The following EPHX4 variants were observed in gnomAD, a reference collection of about 807,000 sequenced individuals.
EPHX4 encodes the protein epoxide hydrolase 4.
Under a neutral mutation model 44.9 loss-of-function variants are expected in EPHX4, and 31 were observed. That is an observed-to-expected ratio of 0.69 (90% confidence interval 0.52 to 0.93). EPHX4 has a LOEUF of 0.93. Among genes scored for constraint, EPHX4 ranks in the 40% least tolerant of loss-of-function variants. The pLI is 0.00. For synonymous variants in EPHX4, 151 were observed against 159.7 expected, an observed-to-expected ratio of 0.95 and a Z score of 0.41; for missense variants, 373 against 438.1, an observed-to-expected ratio of 0.85 and a Z score of 1.33.
At chr1:92,031,403 TA>T (rs1265377337) in intron 1 of EPHX4, among the ~76,000 whole-genome samples, 1 of 152,062 alleles carries the variant, frequency 6.6e-6, no homozygotes, top group Non-Finnish European at 1.5e-5. Flanking sequence ...ACCTGAGGGG[TA>T]AAAGTAGTAT....
intron 4 of EPHX4, among the ~76,000 whole-genome samples, chr1:92,049,942 AC>A (rs565079164): frequency 6.8e-4 from 103 of 152,154 alleles, no homozygotes; most frequent in African/African-American, 2.4e-3. Context: ...TACTAAAAAT[AC>A]AAAAAATTAG....
chr1:92,030,024 C>CG lies in EPHX4; in HGVS notation c.-54dup. On this transcript the variant is annotated 5_prime_UTR_variant, in exon 1 of 7. Coordinates refer to ENST00000370383, the MANE Select transcript of EPHX4 (RefSeq NM_173567.5). The stretch of plus-strand genomic sequence containing the variant: ...GACGGCGGGCTGGCCTGGCGCGCTG[C>CG]GGCGCTCGCTCACCCGCTCCCGAGG... 1 of 1,327,520 alleles carries CG rather than the reference C, an allele frequency of 7.5e-7. No homozygotes were observed. The highest frequency in any genetic ancestry group is 9.8e-7 in the Non-Finnish European group (1 of 1,015,350). 82.2% of individuals were successfully genotyped at this position (1,327,520 alleles called of 1,614,324 possible).
chr1:92,032,602 A>T lies in EPHX4; in HGVS notation c.317+12A>T. On this transcript the variant is annotated intron_variant, in intron 2 of 6. Coordinates refer to ENST00000370383, the MANE Select transcript of EPHX4 (RefSeq NM_173567.5). Reference sequence around the variant, plus strand: ...TTTCCAGAATTCTGGTAAGCTTACCAACTAACATTTATTGTTACATTAAAA... The same window carrying T: ...TTTCCAGAATTCTGGTAAGCTTACCTACTAACATTTATTGTTACATTAAAA... The T allele has an allele frequency of 1.9e-6, 3 of 1,608,976 alleles. No individual in the cohort carries two copies. In the South Asian group the frequency reaches 3.3e-5, roughly 18 times the overall value.
At chr1:92,047,535 A>G (rs189346640) in intron 4 of EPHX4, among the ~76,000 whole-genome samples, 32 of 152,360 alleles carry the variant, frequency 2.1e-4, no homozygotes, top group African/African-American at 7.5e-4. Context: ...ATTTAATTAC[A>G]TAGAATATTA....
chr1:92,062,944 T>A (rs576821011), intron 6 of EPHX4, 111 bp from the exon 7 acceptor site: 1 of 920,534 alleles, frequency 1.1e-6, no homozygotes, highest in African/African-American at 1.7e-5. Flanking sequence ...TTTCACCCTT[T>A]TAGAGGCAAG....
At chr1:92,052,772 T>C (rs1647290421) in intron 6 of EPHX4, 114 bp downstream of exon 6, 1 of 918,404 alleles carries the variant, frequency 1.1e-6, no homozygotes, top group Non-Finnish European at 1.6e-6. Context: ...AATAAGGTAT[T>C]TTAATTTTTT....
chr1:92,050,531 T>A, intron 5 of EPHX4, 111 bp downstream of exon 5: 1 of 632,998 alleles, frequency 1.6e-6, no homozygotes, highest in Non-Finnish European at 2.5e-6. Flanking sequence ...TTATTATAAC[T>A]TAAATGGTTT....
chr1:92,036,952 GAAAC>G (rs1284870266), intron 2 of EPHX4, among the ~76,000 whole-genome samples: 3 of 151,256 alleles, frequency 2.0e-5, no homozygotes, highest in Non-Finnish European at 4.4e-5. Context: ...GGTGCTAGTG[GAAAC>G]AAACAACAGG....
intron 2 of EPHX4, among the ~76,000 whole-genome samples, chr1:92,032,972 C>G (rs555588277): frequency 2.8e-4 from 43 of 152,214 alleles, no homozygotes; most frequent in Middle Eastern, 3.4e-3. Flanking sequence ...GGCTGGGGCA[C>G]AGTGGCATGA....
At chr1:92,036,023 C>T (rs532813103) in intron 2 of EPHX4, among the ~76,000 whole-genome samples, 1 of 152,314 alleles carries the variant, frequency 6.6e-6, no homozygotes, top group South Asian at 2.1e-4. Flanking sequence ...CTTATACAAA[C>T]ATTCAAGAGG....
At chr1:92,053,869 C>T (rs184146515) in intron 6 of EPHX4, among the ~76,000 whole-genome samples, 52 of 152,058 alleles carry the variant, frequency 3.4e-4, no homozygotes, top group African/African-American at 9.6e-4. Flanking sequence ...TCAAATACAC[C>T]GTTGGGTAGT....
At chr1:92,031,461 C>T (rs924819669) in intron 1 of EPHX4, among the ~76,000 whole-genome samples, 2 of 152,130 alleles carry the variant, frequency 1.3e-5, no homozygotes, top group African/African-American at 2.4e-5. Context: ...TCGCTCTGGC[C>T]GCCTAAAGAG....
At chr1:92,052,421 A>G (rs1647279297) in intron 5 of EPHX4, 89 bp from the exon 6 acceptor site, 4 of 1,282,654 alleles carry the variant, frequency 3.1e-6, no homozygotes, top group Middle Eastern at 2.2e-4. Context: ...TCACCACACA[A>G]TGACCACCAT....
At chr1:92,047,847 T>C (rs1255162501) in intron 4 of EPHX4, among the ~76,000 whole-genome samples, 2 of 152,192 alleles carry the variant, frequency 1.3e-5, no homozygotes, top group Non-Finnish European at 2.9e-5. Flanking sequence ...CCTGGATACC[T>C]TAAAAAGTCT....
chr1:92,058,443 GA>G (rs576728125), intron 6 of EPHX4, among the ~76,000 whole-genome samples: 1,959 of 101,444 alleles, frequency 0.019, 12 homozygotes, highest in Non-Finnish European at 0.021. Context: ...CCCCGTCTCA[GA>G]AAAAAAAAAA....
intron 1 of EPHX4, among the ~76,000 whole-genome samples, chr1:92,030,780 T>G (rs867426294): frequency 1.2e-4 from 19 of 152,082 alleles, no homozygotes; most frequent in Admixed American, 3.3e-4. Context: ...GAGTAAACAG[T>G]CAGTCTTTGG....
intron 6 of EPHX4, among the ~76,000 whole-genome samples, chr1:92,060,305 TC>T (rs2101876891): frequency 6.6e-6 from 1 of 151,672 alleles, no homozygotes; most frequent in Non-Finnish European, 1.5e-5. Flanking sequence ...TCCCAGCTAC[TC>T]AGGAGGTTCA....
intron 4 of EPHX4, among the ~76,000 whole-genome samples, chr1:92,046,961 A>G (rs905335035): frequency 6.6e-6 from 1 of 152,220 alleles, no homozygotes; most frequent in Non-Finnish European, 1.5e-5. Context: ...ATTTCATCAT[A>G]CAGGATCAAA....
In EPHX4 at chr1:92,037,558, G is replaced by A. The variant is rs76666228; in HGVS notation, c.317+4968G>A. Reference sequence around the variant, plus strand: ...CTGAGGCAGGCAATTTCTTTGAGTCGTCTTCGTCTCCAGCTATATGGAATG... The same window carrying A: ...CTGAGGCAGGCAATTTCTTTGAGTCATCTTCGTCTCCAGCTATATGGAATG... On this transcript the variant is annotated intron_variant, in intron 2 of 6. Transcript: ENST00000370383. Among the ~76,000 whole-genome samples the A allele has an allele frequency of 4.8e-3, 731 of 152,182 alleles. 4 individuals carry two copies. Among genetic ancestry groups the A allele is most frequent in the Non-Finnish European group, 7.8e-3 (529 of 68,018 alleles).
Sources: allele counts gnomAD v4.1 joint callset (sites outside exome capture counted in the v4.1 genomes callset), GRCh38; gene constraint gnomAD v4.1.1; transcripts MANE v1.5; gene names NCBI Gene and HGNC (gene_info 2026-07-23, HGNC 2026-07-21).